POLR3B: variants seen among roughly 807,000 people sequenced by gnomAD.
POLR3B encodes the protein RNA polymerase III subunit B, also known as DNA-directed RNA polymerase III subunit RPC2.
POLR3B carries 96 observed loss-of-function variants against 147.4 expected under a neutral mutation model. The observed-to-expected ratio is 0.65, with a 90% CI of 0.55 to 0.77. POLR3B has a LOEUF of 0.77. Among genes scored for constraint, POLR3B ranks in the 30% least tolerant of loss-of-function variants. The pLI is 0.00. For missense variants in POLR3B, 1,036 were observed against 1,413.5 expected (o/e 0.73, Z 4.28); for synonymous variants, 461 against 485.9 (o/e 0.95, Z 0.67).
At chr12:106,443,819 C>T (rs2037686504) in intron 18 of POLR3B, among the ~76,000 whole-genome samples, 1 of 150,244 alleles carries the variant, frequency 6.7e-6, no homozygotes, top group Admixed American at 6.7e-5. Flanking sequence ...CTGCATCCGG[C>T]CTATAGTACC....
intron 23 of POLR3B, among the ~76,000 whole-genome samples, chr12:106,465,925 G>A (rs570893410): frequency 7.9e-5 from 12 of 152,100 alleles, no homozygotes; most frequent in Non-Finnish European, 1.0e-4. Flanking sequence ...ATAAACATAC[G>A]TGTGCATGTG....
intron 2 of POLR3B, among the ~76,000 whole-genome samples, chr12:106,364,108 T>A (rs1168929646): frequency 6.6e-6 from 1 of 152,214 alleles, no homozygotes; most frequent in Non-Finnish European, 1.5e-5. Context: ...AGAGAAGTAG[T>A]AGTACATGCA....
intron 10 of POLR3B, among the ~76,000 whole-genome samples, chr12:106,402,871 G>A (rs538567083): frequency 7.6e-4 from 115 of 152,250 alleles, no homozygotes; most frequent in Middle Eastern, 3.4e-3. Context: ...AGAAAACCTA[G>A]GCAATACCAT....
At chr12:106,429,391 G>C (rs917709148) in intron 13 of POLR3B, among the ~76,000 whole-genome samples, 1 of 152,064 alleles carries the variant, frequency 6.6e-6, no homozygotes, top group African/African-American at 2.4e-5. Context: ...CACCCACCTC[G>C]GCCTCCCAAA....
chr12:106,405,960 T>C lies in POLR3B; in HGVS notation c.950T>C (p.Ile317Thr). 4 of 1,613,900 alleles carry C rather than the reference T, an allele frequency of 2.5e-6. No homozygotes were observed. The highest frequency in any genetic ancestry group is 2.5e-6 in the Non-Finnish European group (3 of 1,179,838). The change falls in exon 11 of 28, where the codon ATT (isoleucine) becomes ACT (threonine). Residue 317 changes from isoleucine to threonine, a missense_variant. Coordinates refer to ENST00000228347, the MANE Select transcript of POLR3B (RefSeq NM_018082.6). ...EEARELLAST[I>T]LTHVPVKEFN... is the part of the protein sequence containing the mutation. Reference sequence around the variant, plus strand: ...GCAAGAGAGCTCCTGGCTTCCACCATTCTGACCCATGTCCCAGTGAGTAAC... The same window carrying C: ...GCAAGAGAGCTCCTGGCTTCCACCACTCTGACCCATGTCCCAGTGAGTAAC...
intron 25 of POLR3B, among the ~76,000 whole-genome samples, chr12:106,497,635 C>T (rs1042776091): frequency 2.7e-4 from 41 of 152,162 alleles, no homozygotes; most frequent in African/African-American, 9.9e-4. Flanking sequence ...GACAGATAGA[C>T]CAAGGCCTAA....
At chr12:106,430,205 T>G in intron 13 of POLR3B, 68 bp from the exon 14 acceptor site, 5 of 1,190,994 alleles carry the variant, frequency 4.2e-6, no homozygotes, top group Non-Finnish European at 6.3e-6. Context: ...CTTCTTGGAG[T>G]GACCGCACGG....
intron 19 of POLR3B, among the ~76,000 whole-genome samples, chr12:106,451,356 T>C (rs1315090089): frequency 5.3e-5 from 8 of 152,024 alleles, no homozygotes; most frequent in Admixed American, 1.3e-4. Flanking sequence ...GGCCAGGTAC[T>C]GTGGTTCATG....
In POLR3B at chr12:106,397,799, C is replaced by G. The variant is rs145133011; in HGVS notation, c.846+4646C>G. Among the ~76,000 whole-genome samples, 669 of 152,254 alleles carry G rather than the reference C, an allele frequency of 4.4e-3. 4 individuals are homozygous for G. The highest frequency in any genetic ancestry group is 0.016 in the African/African-American group (644 of 41,548). ...TATAAATAAGACTGTATAAGCAAAT[C>G]TTTGTGTGGATGTGTGGACATTTTC... On this transcript the variant is annotated intron_variant, in intron 10 of 27. Coordinates refer to ENST00000228347, the MANE Select transcript of POLR3B (RefSeq NM_018082.6).
Position 106,496,754 on chromosome 12 carries a change from G to T in POLR3B, c.2820G>T (p.Val940=), listed in dbSNP as rs139255984. The change falls in exon 25 of 28, where the codon GTG becomes GTT. Residue 940 remains valine, a splice_region_variant and synonymous_variant. Coordinates refer to ENST00000228347, the MANE Select transcript of POLR3B (RefSeq NM_018082.6). Reference sequence around the variant, plus strand: ...CTTAATTTGTTCACATCCTGCAGGTGGGGAAGCTCATTGAGCTGCTGGCTG... The same window carrying T: ...CTTAATTTGTTCACATCCTGCAGGTTGGGAAGCTCATTGAGCTGCTGGCTG... The part of the protein sequence containing the change: ...NPHGFPSRMT[V]GKLIELLAGK... 15 of 1,613,866 alleles carry T rather than the reference G, an allele frequency of 9.3e-6. No individual in the cohort carries two copies. The highest frequency in any genetic ancestry group is 1.2e-5 in the Non-Finnish European group (14 of 1,179,910).
chr12:106,420,944 A>G (rs2037366012), intron 12 of POLR3B, among the ~76,000 whole-genome samples: 1 of 151,822 alleles, frequency 6.6e-6, no homozygotes, highest in Non-Finnish European at 1.5e-5. Context: ...TAATTTCTTG[A>G]TTTATTATAT....
chr12:106,398,999 T>A (rs1254261027), intron 10 of POLR3B, among the ~76,000 whole-genome samples: 1 of 151,660 alleles, frequency 6.6e-6, no homozygotes, highest in Non-Finnish European at 1.5e-5. Flanking sequence ...CTTTGACGAG[T>A]TGAGAAAAGA....
chr12:106,389,801 G>A (rs2136913484), intron 9 of POLR3B, among the ~76,000 whole-genome samples: 1 of 152,272 alleles, frequency 6.6e-6, no homozygotes, highest in South Asian at 2.1e-4. Flanking sequence ...GGGTAAGGTA[G>A]GAAGATTGCT....
rs1018388588 is a variant in POLR3B at position 106,496,158 on chromosome 12, G to A, written c.2817G>A (p.Thr939=). The A allele has an allele frequency of 2.5e-6, 4 of 1,570,848 alleles. No homozygotes were observed. Among genetic ancestry groups the A allele is most frequent in the Admixed American group, 1.7e-5 (1 of 59,984 alleles). ...CACACGGCTTCCCATCACGAATGAC[G>A]GTCAGTGACCTGTAGGTTTTTCAGA... ...MNPHGFPSRM[T]VGKLIELLAG... Residue 939 remains threonine (T), a splice_region_variant and synonymous_variant, in exon 24 of 28, where the codon ACG becomes ACA. Coordinates refer to ENST00000228347, the MANE Select transcript of POLR3B (RefSeq NM_018082.6).
intron 10 of POLR3B, among the ~76,000 whole-genome samples, chr12:106,396,936 TTTGTTGTTG>T (rs201704192): frequency 1.7e-4 from 25 of 151,292 alleles, no homozygotes; most frequent in African/African-American, 5.3e-4. Flanking sequence ...TACCAAAGGT[TTTGTTGTTG>T]TTGTTGTTGT....
chr12:106,451,311 T>C (rs60635749), intron 19 of POLR3B, among the ~76,000 whole-genome samples: 59,850 of 151,794 alleles, frequency 0.39, 14,021 homozygotes, highest in African/African-American at 0.66. Flanking sequence ...ATGAAGTTTA[T>C]TGTATTCAAT....
At chr12:106,469,174 T>A (rs1334320041) in intron 23 of POLR3B, among the ~76,000 whole-genome samples, 1 of 152,172 alleles carries the variant, frequency 6.6e-6, no homozygotes, top group South Asian at 2.1e-4. Flanking sequence ...CTTGTTGAAT[T>A]AACCCCTTTA....
chr12:106,402,051 A>G (rs1370728439), intron 10 of POLR3B, among the ~76,000 whole-genome samples: 1 of 152,112 alleles, frequency 6.6e-6, no homozygotes, highest in East Asian at 1.9e-4. Context: ...ATGATTGTAT[A>G]TCTAGAAAAC....
intron 9 of POLR3B, among the ~76,000 whole-genome samples, chr12:106,381,240 G>T (rs940785012): frequency 2.6e-5 from 4 of 152,162 alleles, no homozygotes; most frequent in African/African-American, 9.7e-5. Context: ...CTTCATGAAA[G>T]ATTTCTCTGT....
Sources: allele counts gnomAD v4.1 joint callset (sites outside exome capture counted in the v4.1 genomes callset), GRCh38; gene constraint gnomAD v4.1.1; transcripts MANE v1.5; gene names NCBI Gene and HGNC (gene_info 2026-07-23, HGNC 2026-07-21).